The following BAZ2B variants were observed in gnomAD, a reference collection of about 807,000 sequenced individuals.
BAZ2B encodes bromodomain adjacent to zinc finger domain 2B, also known as bromodomain adjacent to zinc finger domain protein 2B.
A neutral mutation model predicts 246.0 loss-of-function variants in BAZ2B; 91 were observed. That is an observed-to-expected ratio of 0.37 (90% CI 0.31 to 0.44). BAZ2B has a LOEUF of 0.44. Among genes scored for constraint, BAZ2B ranks in the 20% least tolerant of loss-of-function variants. The pLI is 1.00. For missense variants in BAZ2B, 2,332 were observed against 2,533.7 expected (o/e 0.92, Z 1.71); for synonymous variants, 855 against 860.0 (o/e 0.99, Z 0.10).
intron 2 of BAZ2B, among the ~76,000 whole-genome samples, chr2:159,522,722 C>T (rs953819559): frequency 4.6e-5 from 7 of 152,100 alleles, no homozygotes; most frequent in Admixed American, 1.3e-4. Context: ...AACCACAGAA[C>T]GATCAATCAA....
chr2:159,569,537 TGA>T (rs1683443414), intron 1 of BAZ2B, among the ~76,000 whole-genome samples: 1 of 152,142 alleles, frequency 6.6e-6, no homozygotes, highest in South Asian at 2.1e-4. Context: ...TGCATTTTTT[TGA>T]GAGTTGGTAG....
chr2:159,382,412 T>C (rs974460859), intron 25 of BAZ2B, 147 bp downstream of exon 25: 5 of 839,434 alleles, frequency 6.0e-6, no homozygotes, highest in South Asian at 5.6e-5. Context: ...GGGATACAGA[T>C]TGTAATATTT....
At chr2:159,587,996 A>G (rs908585507) in intron 1 of BAZ2B, among the ~76,000 whole-genome samples, 3 of 152,036 alleles carry the variant, frequency 2.0e-5, no homozygotes, top group African/African-American at 7.2e-5. Flanking sequence ...TGTTAAGATC[A>G]GCCTGGGCAA....
In BAZ2B at chr2:159,534,542, T is replaced by C. The variant is rs571954422; in HGVS notation, c.-3+21281A>G. 2.6e-5 allele frequency among the ~76,000 whole-genome samples: 4 copies of C among 152,294 alleles called. No homozygotes were observed. In the South Asian group the frequency reaches 8.3e-4, roughly 32 times the overall value. On this transcript the variant is annotated intron_variant, in intron 2 of 36. Transcript: ENST00000392783. ...TTATAATCTTATGGGACAACTGTCA[T>C]ATATACAGTCTGTCCTTGACCAAAA... is the stretch of plus-strand genomic sequence containing the variant.
the BAZ2B span, among the ~76,000 whole-genome samples, chr2:159,622,253 A>C: frequency 9.4e-6 from 1 of 106,890 alleles, no homozygotes. Flanking sequence ...CAACAGAGTG[A>C]GTACTGTCTC....
intron 14 of BAZ2B, among the ~76,000 whole-genome samples, chr2:159,411,222 C>T (rs888892128): frequency 6.6e-6 from 1 of 152,164 alleles, no homozygotes; most frequent in African/African-American, 2.4e-5. Flanking sequence ...TGGGGTCTTG[C>T]TTCATTGCCC....
chr2:159,503,859 G>A (rs552427983), intron 2 of BAZ2B, among the ~76,000 whole-genome samples: 10 of 152,300 alleles, frequency 6.6e-5, no homozygotes, highest in Admixed American at 2.6e-4. Context: ...GGGATTACAG[G>A]TGTGAGCCAC....
intron 22 of BAZ2B, 152 bp downstream of exon 22, chr2:159,386,201 G>T: frequency 1.1e-6 from 1 of 893,718 alleles, no homozygotes; most frequent in South Asian, 1.9e-5. Flanking sequence ...TTTGTATGAA[G>T]TGTAACCTGA....
chr2:159,434,791 G>C (rs2071878005), intron 8 of BAZ2B: 1 of 152,052 alleles, frequency 6.6e-6, no homozygotes, highest in South Asian at 2.1e-4. Context: ...GTGTGCCTTT[G>C]CACAGTAATA....
intron 34 of BAZ2B, among the ~76,000 whole-genome samples, chr2:159,326,124 A>G (rs1386809264): frequency 6.6e-6 from 1 of 152,206 alleles, no homozygotes; most frequent in Non-Finnish European, 1.5e-5. Flanking sequence ...TGAAAAGTCT[A>G]TTCATCTTAA....
intron 27 of BAZ2B, among the ~76,000 whole-genome samples, chr2:159,356,215 G>GTCTA (rs1401191900): frequency 6.6e-6 from 1 of 152,194 alleles, no homozygotes. Flanking sequence ...CCCTCACAGA[G>GTCTA]TCTAGCAAGC....
chr2:159,407,922 A>G, intron 14 of BAZ2B, among the ~76,000 whole-genome samples: 1 of 152,336 alleles, frequency 6.6e-6, no homozygotes, highest in African/African-American at 2.4e-5. Flanking sequence ...ATAATGCCAG[A>G]TAAATATTTC....
At chr2:159,687,116 A>G in the BAZ2B span, among the ~76,000 whole-genome samples, 1 of 151,506 alleles carries the variant, frequency 6.6e-6, no homozygotes, top group Non-Finnish European at 1.5e-5. Context: ...AGAAGGGTGT[A>G]TTATACAGTA....
At chr2:159,595,124 C>T (rs1359321093) in intron 1 of BAZ2B, among the ~76,000 whole-genome samples, 1 of 145,522 alleles carries the variant, frequency 6.9e-6, no homozygotes, top group South Asian at 2.2e-4. Context: ...TTTTTTTAAA[C>T]GGAGTTTTGC....
At chr2:159,656,108 G>T in the BAZ2B span, among the ~76,000 whole-genome samples, 1 of 152,012 alleles carries the variant, frequency 6.6e-6, no homozygotes, top group African/African-American at 2.4e-5. Flanking sequence ...TTAGTAACTT[G>T]CCTGGACTTA....
At chr2:159,337,376 A>G (rs2065861975) in intron 32 of BAZ2B, 191 bp downstream of exon 32, 2 of 1,366,670 alleles carry the variant, frequency 1.5e-6, no homozygotes, top group African/African-American at 1.5e-5. Flanking sequence ...GACATACAAG[A>G]AGATACATAG....
At chr2:159,476,314 A>C (rs759742419) in intron 3 of BAZ2B, among the ~76,000 whole-genome samples, 7 of 152,222 alleles carry the variant, frequency 4.6e-5, no homozygotes, top group Non-Finnish European at 1.0e-4. Flanking sequence ...TAGGTACTAA[A>C]AATATGTGTT....
intron 31 of BAZ2B, among the ~76,000 whole-genome samples, chr2:159,343,443 CAA>C (rs1559026519): frequency 6.6e-6 from 1 of 152,032 alleles, no homozygotes; most frequent in Non-Finnish European, 1.5e-5. Flanking sequence ...AAGAAAAAGT[CAA>C]CAGAGTGAAA....
chr2:159,355,860 T>C (rs1327225027), intron 27 of BAZ2B, among the ~76,000 whole-genome samples: 1 of 152,112 alleles, frequency 6.6e-6, no homozygotes, highest in African/African-American at 2.4e-5. Context: ...GGGTGGGGCA[T>C]TGCCTCACCC....
Sources: gnomAD v4.1 joint callset for allele counts (sites outside exome capture counted in the v4.1 genomes callset) on GRCh38, gnomAD v4.1.1 for gene constraint, MANE v1.5 for transcripts, NCBI Gene and HGNC (gene_info 2026-07-23, HGNC 2026-07-21) for gene names.